The following MEGF6 variants were observed in gnomAD, a reference collection of about 807,000 sequenced individuals.
MEGF6 encodes the protein multiple EGF like domains 6.
Under a neutral mutation model 207.1 loss-of-function variants are expected in MEGF6, and 184 were observed. The observed-to-expected ratio is 0.89, with a 90% CI of 0.79 to 1.00. MEGF6 has a LOEUF of 1.00. Among genes scored for constraint, MEGF6 ranks in the 50% least tolerant of loss-of-function variants. The probability of loss-of-function intolerance (pLI) is 0.00; values close to 1 mark genes in which losing one functional copy is unlikely to be tolerated. For missense variants in MEGF6, 2,282 were observed against 2,202.9 expected, an observed-to-expected ratio of 1.04 and a Z score of -0.72; for synonymous variants, 1,038 against 910.0, an observed-to-expected ratio of 1.14 and a Z score of -2.53.
intron 3 of MEGF6, among the ~76,000 whole-genome samples, chr1:3,589,563 C>T (rs1281647228): frequency 1.3e-5 from 2 of 152,208 alleles, no homozygotes; most frequent in Admixed American, 1.3e-4. Flanking sequence ...GCCCCTCTGC[C>T]CCTTCCTCCT....
chr1:3,586,745 C>A (rs1203153451), intron 3 of MEGF6, among the ~76,000 whole-genome samples: 6 of 152,194 alleles, frequency 3.9e-5, no homozygotes, highest in African/African-American at 1.4e-4. Context: ...GAGGGCCCTG[C>A]AGCCCCTTCC....
chr1:3,582,325 G>A (rs527913761), intron 3 of MEGF6, among the ~76,000 whole-genome samples: 2 of 152,264 alleles, frequency 1.3e-5, no homozygotes, highest in African/African-American at 4.8e-5. Context: ...GCAGCTCACC[G>A]AGCGGCTCAG....
chr1:3,505,580 G>A, intron 15 of MEGF6, 24 bp from the exon 16 acceptor site: 4 of 1,537,344 alleles, frequency 2.6e-6, no homozygotes, highest in Non-Finnish European at 3.5e-6. Flanking sequence ...ACCGTTGAGG[G>A]GGGCTCCCGT....
intron 3 of MEGF6, among the ~76,000 whole-genome samples, chr1:3,590,201 G>A (rs989735358): frequency 2.6e-5 from 4 of 152,200 alleles, no homozygotes; most frequent in African/African-American, 4.8e-5. Context: ...AAGGACCAGC[G>A]AGTCAGCTGC....
intron 4 of MEGF6, among the ~76,000 whole-genome samples, chr1:3,532,483 CGGTG>C (rs1642209236): frequency 6.6e-6 from 1 of 152,212 alleles, no homozygotes; most frequent in Admixed American, 6.5e-5. Context: ...CCAGCACTGG[CGGTG>C]AGGGTCCACA....
At chr1:3,535,626 A>G (rs1360190467) in intron 4 of MEGF6, among the ~76,000 whole-genome samples, 1 of 146,134 alleles carries the variant, frequency 6.8e-6, no homozygotes, top group Non-Finnish European at 1.5e-5. Flanking sequence ...GGCCATGATT[A>G]AACCCTCATT....
chr1:3,514,334 G>A (rs911936157), intron 7 of MEGF6, among the ~76,000 whole-genome samples: 2 of 152,028 alleles, frequency 1.3e-5, no homozygotes, highest in African/African-American at 4.8e-5. Flanking sequence ...AATGAGCCTC[G>A]GGCTGGGAGC....
At chr1:3,508,070 T>G in intron 13 of MEGF6, 147 bp from the exon 14 acceptor site, 6 of 844,472 alleles carry the variant, frequency 7.1e-6, no homozygotes, top group Non-Finnish European at 1.1e-5. Context: ...CCCATGCTCA[T>G]GGCAGACATC....
intron 3 of MEGF6, among the ~76,000 whole-genome samples, chr1:3,592,691 C>T (rs1643998895): frequency 6.6e-6 from 1 of 152,194 alleles, no homozygotes; most frequent in African/African-American, 2.4e-5. Flanking sequence ...CGTGTGAACC[C>T]TGACTCCTAC....
At chr1:3,577,872 C>T (rs1387288928) in intron 4 of MEGF6, among the ~76,000 whole-genome samples, 1 of 152,244 alleles carries the variant, frequency 6.6e-6, no homozygotes, top group African/African-American at 2.4e-5. Context: ...AGAGCCCTCG[C>T]CCCACGCTGG....
intron 4 of MEGF6, among the ~76,000 whole-genome samples, chr1:3,551,852 G>A (rs114613507): frequency 0.022 from 3,336 of 152,244 alleles, 140 homozygotes; most frequent in African/African-American, 0.077. Context: ...GGAGCCTCCG[G>A]CACTTGTAAA....
intron 10 of MEGF6, 125 bp from the exon 11 acceptor site, chr1:3,510,117 C>G: frequency 7.8e-7 from 1 of 1,289,964 alleles, no homozygotes; most frequent in Non-Finnish European, 1.0e-6. Context: ...AGTAGCATCT[C>G]TTCAACCAGC....
chr1:3,590,689 G>A (rs879328897), intron 3 of MEGF6, among the ~76,000 whole-genome samples: 3 of 152,204 alleles, frequency 2.0e-5, no homozygotes, highest in Admixed American at 2.0e-4. Context: ...ACGGCTGGGG[G>A]CTGGGGGGCA....
At chr1:3,569,198 A>T (rs924180051) in intron 4 of MEGF6, among the ~76,000 whole-genome samples, 2 of 152,206 alleles carry the variant, frequency 1.3e-5, no homozygotes, top group Admixed American at 1.3e-4. Flanking sequence ...TCCTTCAAAG[A>T]TGCAGGACCC....
intron 1 of MEGF6, among the ~76,000 whole-genome samples, chr1:3,604,834 A>C (rs1387064719): frequency 6.6e-6 from 1 of 152,086 alleles, no homozygotes; most frequent in Non-Finnish European, 1.5e-5. Flanking sequence ...GGGAGGGGGC[A>C]GGACCAGAGG....
At chr1:3,493,569 G>A (rs1278108026) in intron 34 of MEGF6, 5 of 700,396 alleles carry the variant, frequency 7.1e-6, no homozygotes, top group South Asian at 4.0e-5. Context: ...CTGGCCTAAG[G>A]CTCCAGCAGG....
At chr1:3,541,122 C>T (rs1032861295) in intron 4 of MEGF6, among the ~76,000 whole-genome samples, 1 of 152,212 alleles carries the variant, frequency 6.6e-6, no homozygotes, top group African/African-American at 2.4e-5. Flanking sequence ...CCTCTGCCAC[C>T]CTCCAGCTCT....
chr1:3,495,927 G>A lies in MEGF6; in HGVS notation c.3834C>T (p.Leu1278=). The change falls in exon 30 of 37, where the codon CTC becomes CTT. Residue 1278 remains leucine, a synonymous_variant. Coordinates refer to ENST00000356575, the MANE Select transcript of MEGF6 (RefSeq NM_001409.4). The part of the protein sequence containing the change: ...AACDPVTGTC[L]CPPGRAGVRC... The stretch of plus-strand genomic sequence containing the variant: ...GGACGCCGGCTCTCCCCGGGGGGCA[G>A]AGGCAGGTGCCGGTCACAGGGTCGC... 6.3e-7 allele frequency: 1 copy of A among 1,596,952 alleles called. No individual in the cohort carries two copies. The highest frequency in any genetic ancestry group is 1.7e-5 in the Admixed American group (1 of 59,694).
At chr1:3,619,251 C>A in the MEGF6 span, among the ~76,000 whole-genome samples, 4 of 152,322 alleles carry the variant, frequency 2.6e-5, no homozygotes, top group East Asian at 1.9e-4. Context: ...AACTCAGGGG[C>A]TCCCCTCCCG....
Sources: gnomAD v4.1 joint callset for allele counts (sites outside exome capture counted in the v4.1 genomes callset) on GRCh38, gnomAD v4.1.1 for gene constraint, MANE v1.5 for transcripts, NCBI Gene and HGNC (gene_info 2026-07-23, HGNC 2026-07-21) for gene names.